The following ADGRL3 variants were observed in gnomAD, a reference collection of about 807,000 sequenced individuals.
The protein encoded by ADGRL3 is calcium-independent alpha-latrotoxin receptor 3.
In ADGRL3, 62 loss-of-function variants were observed where a neutral mutation model predicts 153.5. The ratio of observed to expected loss-of-function variants is 0.40; its 90% confidence interval spans 0.33 to 0.50. The LOEUF is 0.50. Among genes scored for constraint, ADGRL3 ranks in the 20% least tolerant of loss-of-function variants. The pLI, the probability that ADGRL3 is intolerant of heterozygous loss-of-function variation, is 0.47. For missense variants in ADGRL3, 1,641 were observed against 1,859.4 expected (o/e 0.88, Z 2.16); for synonymous variants, 710 against 672.5 (o/e 1.06, Z -0.86).
chr4:61,315,341 A>G (rs1218339170), intron 1 of ADGRL3, among the ~76,000 whole-genome samples: 2 of 152,148 alleles, frequency 1.3e-5, no homozygotes, highest in African/African-American at 2.4e-5. Context: ...CCCCATTTCC[A>G]GGACACAGGA....
chr4:61,238,800 G>T (rs1460030547), intron 1 of ADGRL3, among the ~76,000 whole-genome samples: 1 of 152,096 alleles, frequency 6.6e-6, no homozygotes, highest in Non-Finnish European at 1.5e-5. Flanking sequence ...ATTAAATAAT[G>T]AGGGATTATT....
At chr4:61,243,844 A>C (rs1755975643) in intron 1 of ADGRL3, among the ~76,000 whole-genome samples, 1 of 152,052 alleles carries the variant, frequency 6.6e-6, no homozygotes, top group Non-Finnish European at 1.5e-5. Flanking sequence ...AAATAAGTTA[A>C]AGGACATTAT....
At chr4:61,847,491 T>C (rs573346876) in intron 9 of ADGRL3, among the ~76,000 whole-genome samples, 87 of 145,354 alleles carry the variant, frequency 6.0e-4, no homozygotes, top group African/African-American at 2.1e-3. Flanking sequence ...AAGGTAGATA[T>C]ACTTTTCTGT....
chr4:61,641,553 T>C (rs2093673846), intron 5 of ADGRL3, among the ~76,000 whole-genome samples: 1 of 151,482 alleles, frequency 6.6e-6, no homozygotes, highest in Non-Finnish European at 1.5e-5. Context: ...TTTTTGTTCT[T>C]GCGATAGTTT....
At position 61,411,690 on chromosome 4, in the gene ADGRL3, A is replaced by G. The variant is rs541827685; in HGVS notation, c.-174+28501A>G. Among the ~76,000 whole-genome samples the G allele has an allele frequency of 5.9e-5, 9 of 152,178 alleles. 1 individual carries two copies. The South Asian group carries it at 1.9e-3, about 32-fold the overall frequency. On this transcript the variant is annotated intron_variant, in intron 2 of 26. Transcript: ENST00000683033. Reference sequence around the variant, plus strand: ...AAAAATTACCAGTTCTCTTAACTTTATTAAATTATGTTTTCTCCACATTCA... The same window carrying G: ...AAAAATTACCAGTTCTCTTAACTTTGTTAAATTATGTTTTCTCCACATTCA...
At chr4:61,701,226 AAATAAAC>A (rs2095752805) in intron 6 of ADGRL3, among the ~76,000 whole-genome samples, 1 of 152,140 alleles carries the variant, frequency 6.6e-6, no homozygotes, top group Non-Finnish European at 1.5e-5. Context: ...AGAATCTAGC[AAATAAAC>A]TAACGTCACA....
At chr4:62,043,841 A>G (rs547776479) in intron 24 of ADGRL3, among the ~76,000 whole-genome samples, 9 of 152,154 alleles carry the variant, frequency 5.9e-5, no homozygotes, top group Admixed American at 5.2e-4. Flanking sequence ...AAAACTTCCT[A>G]TGGAAGCAAT....
chr4:61,404,482 A>T (rs937393714), intron 2 of ADGRL3, among the ~76,000 whole-genome samples: 1 of 152,046 alleles, frequency 6.6e-6, no homozygotes, highest in Non-Finnish European at 1.5e-5. Flanking sequence ...GGCTATAAAA[A>T]GTTACTTGGT....
chr4:61,318,419 C>T (rs1483559867), intron 1 of ADGRL3, among the ~76,000 whole-genome samples: 5 of 152,026 alleles, frequency 3.3e-5, no homozygotes, highest in African/African-American at 9.7e-5. Flanking sequence ...ACCCTCATCA[C>T]AAAAGGGCTA....
At chr4:61,889,823 C>G (rs2098559929) in intron 9 of ADGRL3, among the ~76,000 whole-genome samples, 1 of 152,152 alleles carries the variant, frequency 6.6e-6, no homozygotes. Flanking sequence ...CTGGAGAAAT[C>G]TTGCACTACG....
At chr4:61,514,047 T>TA (rs1451755713) in intron 3 of ADGRL3, among the ~76,000 whole-genome samples, 1 of 152,232 alleles carries the variant, frequency 6.6e-6, no homozygotes, top group African/African-American at 2.4e-5. Flanking sequence ...AAGGTCTGGA[T>TA]AAAAAAAGAG....
At chr4:61,218,811 TTGA>T (rs1744070562) in intron 1 of ADGRL3, among the ~76,000 whole-genome samples, 2 of 152,168 alleles carry the variant, frequency 1.3e-5, no homozygotes, top group South Asian at 4.1e-4. Context: ...AACATAAGGA[TTGA>T]GAGAAATGGT....
At chr4:61,489,742 C>A (rs1433553819) in intron 2 of ADGRL3, among the ~76,000 whole-genome samples, 1 of 151,966 alleles carries the variant, frequency 6.6e-6, no homozygotes, top group Non-Finnish European at 1.5e-5. Context: ...TTGATTCAGG[C>A]TCCTCATATC....
At chr4:61,950,514 A>G (rs2098942983) in intron 17 of ADGRL3, among the ~76,000 whole-genome samples, 2 of 152,352 alleles carry the variant, frequency 1.3e-5, no homozygotes, top group South Asian at 2.1e-4. Context: ...TAGAATTAAT[A>G]CACAATAAGT....
At chr4:61,300,414 A>T (rs1415515006) in intron 1 of ADGRL3, among the ~76,000 whole-genome samples, 2 of 152,328 alleles carry the variant, frequency 1.3e-5, no homozygotes, top group South Asian at 2.1e-4. Flanking sequence ...AAAATTGCAG[A>T]GTGTGTAAAT....
At chr4:61,336,858 CT>C (rs573900304) in intron 1 of ADGRL3, among the ~76,000 whole-genome samples, 8,144 of 134,040 alleles carry the variant, frequency 0.061, 394 homozygotes, top group African/African-American at 0.15. Flanking sequence ...CTTACAGTTC[CT>C]TTTTTTTTTT....
At chr4:61,335,884 T>C (rs1466645128) in intron 1 of ADGRL3, among the ~76,000 whole-genome samples, 1 of 152,190 alleles carries the variant, frequency 6.6e-6, no homozygotes, top group Non-Finnish European at 1.5e-5. Context: ...ACCCAGTATA[T>C]CATTGTCATT....
chr4:61,847,935 ATATAT>A (rs1205947507), intron 9 of ADGRL3, among the ~76,000 whole-genome samples: 1 of 17,890 alleles, frequency 5.6e-5, no homozygotes, highest in African/African-American at 1.5e-4. Flanking sequence ...ATAATATAAA[ATATAT>A]TATATATATA....
chr4:61,481,841 GA>G (rs1016383363), intron 2 of ADGRL3, among the ~76,000 whole-genome samples: 2 of 151,546 alleles, frequency 1.3e-5, no homozygotes, highest in Non-Finnish European at 2.9e-5. Context: ...AACATTTTTA[GA>G]AAAAAATATA....
Sources: gnomAD v4.1 joint callset for allele counts (sites outside exome capture counted in the v4.1 genomes callset) on GRCh38, gnomAD v4.1.1 for gene constraint, MANE v1.5 for transcripts, NCBI Gene and HGNC (gene_info 2026-07-23, HGNC 2026-07-21) for gene names.